Variants in IREB2 observed in about 807,000 individuals in gnomAD.
The protein encoded by IREB2 is iron-responsive element-binding protein 2.
In IREB2, 39 loss-of-function variants were observed where a neutral mutation model predicts 118.8. That is an observed-to-expected ratio of 0.33 (90% confidence interval 0.25 to 0.43). The LOEUF is 0.43. Among genes scored for constraint, IREB2 ranks in the 20% least tolerant of loss-of-function variants. The pLI is 1.00. For missense variants in IREB2, 900 were observed against 1,147.3 expected, an observed-to-expected ratio of 0.78 and a Z score of 3.11; for synonymous variants, 372 against 392.2, an observed-to-expected ratio of 0.95 and a Z score of 0.61.
chr15:78,495,398 A>G (rs1052078801), intron 20 of IREB2, among the ~76,000 whole-genome samples: 3 of 152,064 alleles, frequency 2.0e-5, no homozygotes, highest in African/African-American at 4.8e-5. Flanking sequence ...TTGGCCCTCC[A>G]TTTGTTAGAC....
At chr15:78,478,992 C>CA (rs1249232334) in intron 10 of IREB2, among the ~76,000 whole-genome samples, 1 of 152,210 alleles carries the variant, frequency 6.6e-6, no homozygotes, top group African/African-American at 2.4e-5. Context: ...GACTAGAGTG[C>CA]AGTGGCACAA....
intron 3 of IREB2, among the ~76,000 whole-genome samples, 158 bp from the exon 4 acceptor site, chr15:78,465,093 T>C (rs2051258903): frequency 6.6e-6 from 1 of 152,250 alleles, no homozygotes; most frequent in African/African-American, 2.4e-5. Context: ...TTAATTCTTA[T>C]TAAACAGGAT....
At chr15:78,451,136 T>C (rs1319835197) in intron 2 of IREB2, among the ~76,000 whole-genome samples, 1 of 151,972 alleles carries the variant, frequency 6.6e-6, no homozygotes, top group Admixed American at 6.6e-5. Flanking sequence ...GGCTAATTTT[T>C]TGTATTTTTA....
chr15:78,475,188 T>A (rs1363359687), intron 8 of IREB2: 2 of 152,076 alleles, frequency 1.3e-5, no homozygotes, highest in Non-Finnish European at 2.9e-5. Context: ...ATGTTAGGGC[T>A]TAATATTATT....
intron 13 of IREB2, among the ~76,000 whole-genome samples, chr15:78,486,975 A>G (rs2051671683): frequency 6.6e-6 from 1 of 152,148 alleles, no homozygotes; most frequent in South Asian, 2.1e-4. Flanking sequence ...CAGCCTAGTT[A>G]TATTTTCGGT....
intron 2 of IREB2, among the ~76,000 whole-genome samples, chr15:78,450,472 GGAGCTGGT>G (rs1195068444): frequency 6.6e-6 from 1 of 152,220 alleles, no homozygotes; most frequent in African/African-American, 2.4e-5. Context: ...TGGCCAGGTT[GGAGCTGGT>G]CTGGAGTTGC....
chr15:78,490,628 C>A lies in IREB2; in HGVS notation c.2191C>A (p.Pro731Thr). Residue 731 changes from proline (P) to threonine (T), a missense_variant, in exon 18 of 22, where the codon CCA (proline) becomes ACA (threonine). Transcript: ENST00000258886. Reference protein sequence around the residue: ...PSFFDKLTKEPIALQAIENAH... With the variant: ...PSFFDKLTKETIALQAIENAH... ...AACTTTTACCTTCTAGACCAAAGAG[C>A]CAATTGCACTCCAGGCTATTGAAAA... The A allele has an allele frequency of 1.2e-6, 2 of 1,613,932 alleles. No individual in the cohort carries two copies. The highest frequency in any genetic ancestry group is 1.7e-6 in the Non-Finnish European group (2 of 1,179,938).
In IREB2 at chr15:78,488,560, T is replaced by G. The variant is rs1252787513; in HGVS notation, c.1952-87T>G. On this transcript the variant is annotated intron_variant, in intron 15 of 21. Transcript: ENST00000258886. ...TGAAGCACCCTGTTGAATCATTTAC[T>G]TGATTTCCATGATATGTCTTTGAAA... The G allele has an allele frequency of 2.3e-6, 3 of 1,315,902 alleles. No individual in the cohort carries two copies. In the African/African-American group the frequency reaches 4.5e-5, roughly 20 times the overall value. 81.5% of individuals were successfully genotyped at this position (1,315,902 alleles called of 1,614,324 possible). A position where few individuals can be genotyped will look rare whatever the true frequency, so the allele number is the denominator to read the frequency against.
In IREB2 at chr15:78,471,864, A is replaced by T. The variant is rs1361714129; in HGVS notation, c.823A>T (p.Ser275Cys). 4.3e-6 allele frequency: 7 copies of T among 1,613,570 alleles called. No homozygotes were observed. The Admixed American group carries it at 1.2e-4, about 27-fold the overall frequency. ...FEEKDLLFPD[S>C]VVGTDSHITM... ...AGAAAAAGACCTCCTCTTCCCAGACAGTGTAGTCGGCACAGATTCACACAT... is the reference window on the plus strand; with the variant it reads ...AGAAAAAGACCTCCTCTTCCCAGACTGTGTAGTCGGCACAGATTCACACAT... Residue 275 changes from serine to cysteine, a missense_variant, in exon 7 of 22, where the codon AGT becomes TGT. Transcript: ENST00000258886.
At chr15:78,485,980 A>G in intron 13 of IREB2, 140 bp downstream of exon 13, 1 of 693,792 alleles carries the variant, frequency 1.4e-6, no homozygotes, top group Non-Finnish European at 2.4e-6. Flanking sequence ...TTACCATACA[A>G]TTTTTGATGC....
chr15:78,473,244 G>A lies in IREB2; in HGVS notation c.886G>A (p.Val296Ile). The stretch of plus-strand genomic sequence containing the variant: ...TATACCTGTCTTTATTACGTTAGGG[G>A]TTGGAGGCATTGAAACAGAAGCAGT... Reference protein sequence around the residue: ...VNGLGILGWGVGGIETEAVML... With the variant: ...VNGLGILGWGIGGIETEAVML... Residue 296 changes from valine (V) to isoleucine (I), a missense_variant and splice_region_variant, in exon 8 of 22, where the codon GTT becomes ATT. Val to Ile is a conservative substitution (Grantham distance 29). Coordinates refer to ENST00000258886, the MANE Select transcript of IREB2 (RefSeq NM_004136.4). 6.2e-7 allele frequency: 1 copy of A among 1,613,706 alleles called. No homozygotes were observed. The highest frequency in any genetic ancestry group is 1.6e-4 in the Middle Eastern group (1 of 6,062).
At chr15:78,447,415 C>T (rs2050949101) in intron 2 of IREB2, among the ~76,000 whole-genome samples, 1 of 151,658 alleles carries the variant, frequency 6.6e-6, no homozygotes, top group Non-Finnish European at 1.5e-5. Flanking sequence ...ACTGCAACCT[C>T]CGCCTACCAG....
At chr15:78,441,236 AT>A (rs2050839838) in intron 2 of IREB2, among the ~76,000 whole-genome samples, 2 of 151,958 alleles carry the variant, frequency 1.3e-5, no homozygotes, top group Non-Finnish European at 2.9e-5. Context: ...TCATTTAAAA[AT>A]AAACAGTTTG....
In IREB2 at chr15:78,500,555, A is replaced by G. The variant is rs1271677163; in HGVS notation, c.*2412A>G. The stretch of plus-strand genomic sequence containing the variant: ...TGTGTTACCAAAAAAAAAAAAAAAA[A>G]AAGGAAGTGTAATGTCAGACACACA... On this transcript the variant is annotated 3_prime_UTR_variant, in exon 22 of 22. Coordinates refer to ENST00000258886, the MANE Select transcript of IREB2 (RefSeq NM_004136.4). 1 of 146,758 alleles carries G rather than the reference A, an allele frequency of 6.8e-6. No individual in the cohort carries two copies. The highest frequency in any genetic ancestry group is 6.8e-5 in the Admixed American group (1 of 14,694). The allele number at this position is 146,758 out of a possible 1,614,324, so 9.1% of individuals were successfully genotyped here.
intron 2 of IREB2, among the ~76,000 whole-genome samples, chr15:78,445,627 C>G (rs1403294380): frequency 1.3e-5 from 2 of 152,170 alleles, no homozygotes; most frequent in East Asian, 3.9e-4. Flanking sequence ...TTTTCTGTTT[C>G]TTTTTGAATA....
Position 78,439,784 on chromosome 15 carries a change from T to A in IREB2, c.20-11T>A, listed in dbSNP as rs761593529. On this transcript the variant is annotated splice_polypyrimidine_tract_variant and intron_variant, in intron 1 of 21. Transcript: ENST00000258886. Reference sequence around the variant, plus strand: ...TTGCTGCATTTAATGAAAATACAATTTTTTTTTCAGGATACGCCTTTGAGT... The same window carrying A: ...TTGCTGCATTTAATGAAAATACAATATTTTTTTCAGGATACGCCTTTGAGT... The A allele has an allele frequency of 6.6e-7, 1 of 1,510,088 alleles. No homozygotes were observed. Among genetic ancestry groups the A allele is most frequent in the Non-Finnish European group, 9.1e-7 (1 of 1,103,528 alleles). 93.5% of individuals were successfully genotyped at this position (1,510,088 alleles called of 1,614,324 possible). A position where few individuals can be genotyped will look rare whatever the true frequency, so the allele number is the denominator to read the frequency against.
At chr15:78,491,447 T>G (rs1188273410) in intron 18 of IREB2, among the ~76,000 whole-genome samples, 2 of 152,188 alleles carry the variant, frequency 1.3e-5, no homozygotes, top group Non-Finnish European at 2.9e-5. Context: ...GATGCTTGAG[T>G]AATTAAAATG....
intron 12 of IREB2, 83 bp from the exon 13 acceptor site, chr15:78,485,622 T>C (rs781514674): frequency 9.4e-4 from 1,276 of 1,355,326 alleles, no homozygotes; most frequent in Non-Finnish European, 1.2e-3. Flanking sequence ...GTTAAATAAA[T>C]TACTTCTCAC....
chr15:78,438,753 C>T (rs572899574), intron 1 of IREB2: 4 of 291,600 alleles, frequency 1.4e-5, no homozygotes, highest in East Asian at 8.4e-5. Context: ...TCTCCGTGTT[C>T]GGGTCTCACG....
Sources: gnomAD v4.1 joint callset for allele counts (sites outside exome capture counted in the v4.1 genomes callset) on GRCh38, gnomAD v4.1.1 for gene constraint, MANE v1.5 for transcripts, NCBI Gene and HGNC (gene_info 2026-07-23, HGNC 2026-07-21) for gene names.